The following NDUFB6 variants were observed in gnomAD, a reference collection of about 807,000 sequenced individuals.
NDUFB6 encodes the protein NADH:ubiquinone oxidoreductase subunit B6, also known as NADH dehydrogenase [ubiquinone] 1 beta subcomplex subunit 6.
Under a neutral mutation model 17.5 loss-of-function variants are expected in NDUFB6, and 23 were observed. The observed-to-expected ratio is 1.31, with a 90% CI of 0.94 to 1.86. The LOEUF (loss-of-function observed/expected upper bound fraction) is 1.86. Among genes scored for constraint, NDUFB6 ranks in the 40% most tolerant of loss-of-function variants. The pLI is 0.00. For synonymous variants in NDUFB6, 60 were observed against 53.5 expected (o/e 1.12, Z -0.53); for missense variants, 167 against 153.8 (o/e 1.09, Z -0.46).
intron 2 of NDUFB6, chr9:32,568,234 T>C (rs552037711): frequency 5.9e-6 from 1 of 170,010 alleles, no homozygotes; most frequent in Admixed American, 6.5e-5. Flanking sequence ...TGGATGACTT[T>C]GAGGGGTTCA....
chr9:32,553,199 C>CA lies in NDUFB6; in HGVS notation c.*676_*677insT, dbSNP rs1821349987. The CA allele has an allele frequency of 4.6e-6, 1 of 218,898 alleles. No individual in the cohort carries two copies. The highest frequency in any genetic ancestry group is 8.9e-6 in the Non-Finnish European group (1 of 111,918). The allele number at this position is 218,898 out of a possible 1,614,324, so 13.6% of individuals were successfully genotyped here. On this transcript the variant is annotated 3_prime_UTR_variant, in exon 4 of 4. Coordinates refer to ENST00000379847, the MANE Select transcript of NDUFB6 (RefSeq NM_002493.5). ...AATTCTTCAAAAATGATTCGGAAAG[C>CA]TTTTTTTTTTTTTGAGACGGAGTCT... is the stretch of plus-strand genomic sequence containing the variant.
At chr9:32,556,050 C>T (rs1821446245) in intron 3 of NDUFB6, among the ~76,000 whole-genome samples, 1 of 151,828 alleles carries the variant, frequency 6.6e-6, no homozygotes, top group Non-Finnish European at 1.5e-5. Context: ...ATAAACCTGA[C>T]ATACTATTTT....
chr9:32,568,514 C>A, intron 2 of NDUFB6: 1 of 192,864 alleles, frequency 5.2e-6, no homozygotes, highest in Non-Finnish European at 1.2e-5. Flanking sequence ...GTTTGAAAGG[C>A]CTGACTCCAA....
At chr9:32,563,898 G>A (rs1821701668) in intron 2 of NDUFB6, among the ~76,000 whole-genome samples, 2 of 152,146 alleles carry the variant, frequency 1.3e-5, no homozygotes, top group Admixed American at 1.3e-4. Context: ...TTTGAAATAT[G>A]TTCCCATCAT....
At chr9:32,571,392 T>C (rs929979357) in intron 1 of NDUFB6, among the ~76,000 whole-genome samples, 5 of 152,248 alleles carry the variant, frequency 3.3e-5, no homozygotes, top group Admixed American at 6.5e-5. Flanking sequence ...ATAATTTTAA[T>C]GTATTTAACC....
intron 2 of NDUFB6, among the ~76,000 whole-genome samples, chr9:32,561,974 T>A (rs1821639251): frequency 6.6e-6 from 1 of 152,160 alleles, no homozygotes; most frequent in South Asian, 2.1e-4. Flanking sequence ...ATTCATCAAG[T>A]CACTCTCCCA....
chr9:32,554,606 A>G (rs1821404628), intron 3 of NDUFB6, among the ~76,000 whole-genome samples: 1 of 152,212 alleles, frequency 6.6e-6, no homozygotes, highest in South Asian at 2.1e-4. Flanking sequence ...AATTGTCCCC[A>G]TACCCACCCC....
At chr9:32,562,739 A>G (rs1821660336) in intron 2 of NDUFB6, among the ~76,000 whole-genome samples, 1 of 152,206 alleles carries the variant, frequency 6.6e-6, no homozygotes, top group African/African-American at 2.4e-5. Flanking sequence ...ATACATTACT[A>G]TCTCTACCTG....
intron 2 of NDUFB6, chr9:32,566,097 A>T: frequency 2.2e-6 from 1 of 461,150 alleles, no homozygotes; most frequent in Non-Finnish European, 3.9e-6. Flanking sequence ...ACCTGTTAAA[A>T]TTATGCCCAC....
chr9:32,560,518 A>G (rs527457221), intron 2 of NDUFB6, among the ~76,000 whole-genome samples: 10 of 152,392 alleles, frequency 6.6e-5, no homozygotes, highest in Non-Finnish European at 1.3e-4. Context: ...CATTCTGTTG[A>G]TCAGAGTTTG....
intron 1 of NDUFB6, among the ~76,000 whole-genome samples, chr9:32,572,342 G>A (rs547641277): frequency 6.6e-6 from 1 of 152,280 alleles, no homozygotes; most frequent in East Asian, 1.9e-4. Flanking sequence ...TGTGTTAAAA[G>A]TACAGAACGG....
At chr9:32,566,797 G>T in intron 2 of NDUFB6, 2 of 907,588 alleles carry the variant, frequency 2.2e-6, no homozygotes, top group Non-Finnish European at 3.6e-6. Flanking sequence ...TTGTACAGGA[G>T]GTCGGCCAGC....
chr9:32,564,279 TC>T (rs772767748), intron 2 of NDUFB6, among the ~76,000 whole-genome samples: 12 of 152,318 alleles, frequency 7.9e-5, no homozygotes, highest in Non-Finnish European at 1.8e-4. Flanking sequence ...AACTCCCTTT[TC>T]CGGCAGTGAG....
At chr9:32,566,065 G>A (rs915798759) in intron 2 of NDUFB6, 32 of 407,662 alleles carry the variant, frequency 7.8e-5, no homozygotes, top group Non-Finnish European at 1.2e-4. Flanking sequence ...AGCTACTGGA[G>A]TGACCAAAAA....
In NDUFB6 at chr9:32,573,064, G is replaced by A. The variant is rs1272680780; in HGVS notation, c.-4C>T. The A allele has an allele frequency of 2.6e-6, 4 of 1,553,552 alleles. No homozygotes were observed. Among genetic ancestry groups the A allele is most frequent in the East Asian group, 2.4e-5 (1 of 42,180 alleles). On this transcript the variant is annotated 5_prime_UTR_variant, in exon 1 of 4. Coordinates refer to ENST00000379847, the MANE Select transcript of NDUFB6 (RefSeq NM_002493.5). ...CATCCGGAGTGTACCCCGTCATGTC[G>A]CCGCTGGTACCAACGCAAAAGGACA...
At chr9:32,560,395 G>A (rs866359291) in intron 2 of NDUFB6, among the ~76,000 whole-genome samples, 1 of 152,074 alleles carries the variant, frequency 6.6e-6, no homozygotes, top group African/African-American at 2.4e-5. Context: ...ATGTCTTTTC[G>A]ATCCCAGAAA....
At chr9:32,562,733 A>G (rs942973557) in intron 2 of NDUFB6, among the ~76,000 whole-genome samples, 3 of 152,232 alleles carry the variant, frequency 2.0e-5, no homozygotes, top group African/African-American at 7.2e-5. Context: ...ACACTCATAC[A>G]TTACTATCTC....
intron 2 of NDUFB6, among the ~76,000 whole-genome samples, chr9:32,563,491 C>CTTTTTTT (rs111646430): frequency 3.3e-5 from 3 of 92,004 alleles, no homozygotes; most frequent in African/African-American, 4.4e-5. Context: ...GACTATTGGG[C>CTTTTTTT]TTTTTTTTTT....
At position 32,568,731 on chromosome 9, in the gene NDUFB6, C is replaced by CATATATATATAT. The variant is rs774854110; in HGVS notation, c.273+2217_273+2228dup. ...GTGTATGTATATGTGTGTGTGTGTG[C>CATATATATATAT]ATATATATATATATATATTTTTTTT... On this transcript the variant is annotated intron_variant, in intron 2 of 3. Coordinates refer to ENST00000379847, the MANE Select transcript of NDUFB6 (RefSeq NM_002493.5). 2.2e-3 allele frequency: 201 copies of CATATATATATAT among 92,992 alleles called. 1 individual carries two copies. Among genetic ancestry groups the CATATATATATAT allele is most frequent in the African/African-American group, 3.5e-3 (80 of 23,178 alleles). The allele number at this position is 92,992 out of a possible 1,614,324, so 5.8% of individuals were successfully genotyped here.
Sources: allele counts gnomAD v4.1 joint callset (sites outside exome capture counted in the v4.1 genomes callset), GRCh38; gene constraint gnomAD v4.1.1; transcripts MANE v1.5; gene names NCBI Gene and HGNC (gene_info 2026-07-23, HGNC 2026-07-21).